TSHR: variants seen among roughly 807,000 people sequenced by gnomAD.
TSHR encodes the protein thyroid stimulating hormone receptor.
In TSHR, 51 loss-of-function variants were observed where a neutral mutation model predicts 64.1. The ratio of observed to expected loss-of-function variants is 0.80; its 90% CI spans 0.64 to 1.01. TSHR has a LOEUF of 1.01. Ranked by LOEUF, TSHR falls within the 50% of genes least tolerant of loss-of-function variation. TSHR has a pLI of 0.00. For missense variants in TSHR, 877 were observed against 942.8 expected, an observed-to-expected ratio of 0.93 and a Z score of 0.91; for synonymous variants, 361 against 361.9, an observed-to-expected ratio of 1.00 and a Z score of 0.03.
chr14:81,114,909 A>G (rs1479980148), intron 8 of TSHR, among the ~76,000 whole-genome samples: 5 of 152,190 alleles, frequency 3.3e-5, no homozygotes, highest in Non-Finnish European at 7.3e-5. Context: ...GGCACCCCCC[A>G]GCAGGGGCAC....
intron 1 of TSHR, among the ~76,000 whole-genome samples, chr14:81,020,322 G>A (rs1429829092): frequency 6.6e-6 from 1 of 152,180 alleles, no homozygotes; most frequent in Non-Finnish European, 1.5e-5. Flanking sequence ...TCCGTGGTCT[G>A]TTAGAAACCA....
intron 8 of TSHR, among the ~76,000 whole-genome samples, chr14:81,111,537 G>C (rs1890224491): frequency 6.6e-6 from 1 of 152,138 alleles, no homozygotes. Flanking sequence ...GGCTTGCAAG[G>C]CATTGCCATA....
At chr14:81,141,225 G>A (rs2140105073) in intron 9 of TSHR, among the ~76,000 whole-genome samples, 1 of 152,336 alleles carries the variant, frequency 6.6e-6, no homozygotes, top group Non-Finnish European at 1.5e-5. Context: ...TGGTGATAGT[G>A]GACTCTACAC....
intron 1 of TSHR, chr14:81,052,384 T>C (rs1346285624): frequency 6.6e-6 from 1 of 152,232 alleles, no homozygotes; most frequent in African/African-American, 2.4e-5. Context: ...GGGGACTCTC[T>C]ACCCTATTCG....
chr14:81,036,053 A>T (rs1884607919), intron 1 of TSHR, among the ~76,000 whole-genome samples: 1 of 152,162 alleles, frequency 6.6e-6, no homozygotes, highest in South Asian at 2.1e-4. Flanking sequence ...CCAAAAGAAA[A>T]AAGAATAAAA....
At chr14:81,099,323 T>C (rs973356097) in intron 7 of TSHR, 1 of 151,788 alleles carries the variant, frequency 6.6e-6, no homozygotes, top group Admixed American at 6.6e-5. Flanking sequence ...AGTGGCCAAG[T>C]CAAAGCTGAG....
chr14:81,127,683 T>G (rs1372432018), intron 8 of TSHR, among the ~76,000 whole-genome samples: 1 of 152,170 alleles, frequency 6.6e-6, no homozygotes, highest in Non-Finnish European at 1.5e-5. Context: ...CAAAATCTGA[T>G]CGTTTTATAA....
At chr14:81,038,783 TA>T (rs140970206) in intron 1 of TSHR, among the ~76,000 whole-genome samples, 36,204 of 146,106 alleles carry the variant, frequency 0.25, 4,544 homozygotes, top group South Asian at 0.33. Context: ...ATAGAAAAAA[TA>T]AAAAAAAGAA....
chr14:81,096,490 TG>T, intron 6 of TSHR, 148 bp from the exon 7 acceptor site: 1 of 721,376 alleles, frequency 1.4e-6, no homozygotes, highest in Non-Finnish European at 2.4e-6. Flanking sequence ...CAACTTGTAC[TG>T]GAAAGTTTTC....
intron 8 of TSHR, 29 bp downstream of exon 8, chr14:81,108,481 A>C (rs1355726624): frequency 2.9e-5 from 24 of 835,694 alleles, no homozygotes; most frequent in Middle Eastern, 3.4e-4. Flanking sequence ...AGAATATTTT[A>C]GTCTTTTTTT....
chr14:81,000,922 G>T (rs1889275759), intron 1 of TSHR, among the ~76,000 whole-genome samples: 1 of 152,146 alleles, frequency 6.6e-6, no homozygotes, highest in Non-Finnish European at 1.5e-5. Context: ...ACAGCTGGCA[G>T]GGAGAGGCAG....
At chr14:81,123,835 T>G (rs904570398) in intron 8 of TSHR, among the ~76,000 whole-genome samples, 4 of 152,216 alleles carry the variant, frequency 2.6e-5, no homozygotes, top group Non-Finnish European at 5.9e-5. Flanking sequence ...AGGTTTTTTA[T>G]TGATTGATTT....
At position 81,139,806 on chromosome 14, in the gene TSHR, C is replaced by T. The variant is rs373712078; in HGVS notation, c.820C>T (p.Arg274Trp). Residue 274 changes from arginine to tryptophan, a missense_variant, in exon 9 of 10, where the codon CGG becomes TGG. Physicochemically the swap from Arg to Trp is moderately radical, Grantham distance 101. Coordinates refer to ENST00000298171, the MANE Select transcript of TSHR (RefSeq NM_000369.5). ...PLSLSFLHLT[R>W]ADLSYPSHCC... ...TTCCTTGAGTTTCCTTCACCTCACA[C>T]GGGCTGACCTTTCTTACCCAAGCCA... 1.1e-5 allele frequency: 17 copies of T among 1,614,086 alleles called. No individual in the cohort carries two copies. Among genetic ancestry groups the T allele is most frequent in the African/African-American group, 6.7e-5 (5 of 74,916 alleles).
chr14:80,957,369 G>T (rs1886749779), intron 1 of TSHR, among the ~76,000 whole-genome samples: 1 of 151,534 alleles, frequency 6.6e-6, no homozygotes, highest in African/African-American at 2.4e-5. Flanking sequence ...TTATTTGCAT[G>T]CCCACTCAAG....
At chr14:81,121,966 T>C (rs1890814143) in intron 8 of TSHR, among the ~76,000 whole-genome samples, 1 of 144,646 alleles carries the variant, frequency 6.9e-6, no homozygotes, top group Admixed American at 7.1e-5. Flanking sequence ...GATTGATAGA[T>C]TATTTGATGG....
chr14:80,987,520 A>C (rs906225096), intron 1 of TSHR, among the ~76,000 whole-genome samples: 1 of 152,234 alleles, frequency 6.6e-6, no homozygotes. Context: ...ATTAAAAAAC[A>C]AAACATTTTT....
intron 3 of TSHR, among the ~76,000 whole-genome samples, chr14:81,072,179 A>G (rs1186574499): frequency 2.6e-5 from 4 of 152,238 alleles, no homozygotes; most frequent in African/African-American, 9.6e-5. Flanking sequence ...TAGTTAATAT[A>G]CTATGGTAAC....
chr14:80,999,471 G>T (rs1052830529), intron 1 of TSHR, among the ~76,000 whole-genome samples: 1 of 152,168 alleles, frequency 6.6e-6, no homozygotes, highest in Admixed American at 6.5e-5. Flanking sequence ...GGAGGTGGAA[G>T]ATCAAAATGT....
intron 8 of TSHR, among the ~76,000 whole-genome samples, chr14:81,120,662 G>A (rs2284740): frequency 1.3e-5 from 2 of 151,706 alleles, no homozygotes; most frequent in Non-Finnish European, 2.9e-5. Flanking sequence ...TTTGGATGCC[G>A]TTTATTTGTA....
Sources: allele counts gnomAD v4.1 joint callset (sites outside exome capture counted in the v4.1 genomes callset), GRCh38; gene constraint gnomAD v4.1.1; transcripts MANE v1.5; gene names NCBI Gene and HGNC (gene_info 2026-07-23, HGNC 2026-07-21).